Variants in ELOVL6 observed in about 807,000 individuals in gnomAD.
The protein encoded by ELOVL6 is very long chain fatty acid elongase 6.
A neutral mutation model predicts 31.7 loss-of-function variants in ELOVL6; 8 were observed. That is an observed-to-expected ratio of 0.25 (90% confidence interval 0.15 to 0.45). The LOEUF (loss-of-function observed/expected upper bound fraction) is 0.45, where lower values mean the gene tolerates loss of function less well. Among genes scored for constraint, ELOVL6 ranks in the 20% least tolerant of loss-of-function variants. The pLI, the probability that ELOVL6 is intolerant of heterozygous loss-of-function variation, is 1.00. For synonymous variants in ELOVL6, 101 were observed against 117.7 expected (o/e 0.86, Z 0.92); for missense variants, 126 against 326.4 (o/e 0.39, Z 4.73).
intron 1 of ELOVL6, among the ~76,000 whole-genome samples, chr4:110,152,494 T>A (rs1758304729): frequency 6.6e-6 from 1 of 152,240 alleles, no homozygotes; most frequent in Admixed American, 6.5e-5. Flanking sequence ...AATGAGAATT[T>A]ATTCCGTGAA....
intron 1 of ELOVL6, among the ~76,000 whole-genome samples, chr4:110,141,855 G>GTATATATA (rs57733252): frequency 0.027 from 3,446 of 126,512 alleles, 108 homozygotes; most frequent in Admixed American, 0.091. Flanking sequence ...AATACAATTA[G>GTATATATA]TATATATATA....
chr4:110,180,832 G>A (rs1352499882), intron 1 of ELOVL6, among the ~76,000 whole-genome samples: 1 of 152,140 alleles, frequency 6.6e-6, no homozygotes, highest in Non-Finnish European at 1.5e-5. Context: ...TGTTTATAGA[G>A]ATTTTTAAAA....
chr4:110,118,769 T>C (rs1335906050), intron 1 of ELOVL6, among the ~76,000 whole-genome samples: 1 of 152,166 alleles, frequency 6.6e-6, no homozygotes, highest in Non-Finnish European at 1.5e-5. Flanking sequence ...ACATACACTT[T>C]AAAAAATTGA....
chr4:110,128,713 G>C (rs1331023182), intron 1 of ELOVL6, among the ~76,000 whole-genome samples: 1 of 152,194 alleles, frequency 6.6e-6, no homozygotes, highest in African/African-American at 2.4e-5. Flanking sequence ...GCAACAGCAA[G>C]ATCTAACATT....
chr4:110,073,745 G>A (rs575407680), intron 2 of ELOVL6, among the ~76,000 whole-genome samples: 10 of 152,180 alleles, frequency 6.6e-5, no homozygotes, highest in Non-Finnish European at 1.0e-4. Context: ...TGGAGCCCTT[G>A]ATGCTTTAGG....
At chr4:110,086,836 T>C (rs1430055954) in intron 2 of ELOVL6, among the ~76,000 whole-genome samples, 1 of 152,196 alleles carries the variant, frequency 6.6e-6, no homozygotes, top group Non-Finnish European at 1.5e-5. Context: ...TACCTCCCTA[T>C]GCGACATTTA....
chr4:110,054,073 G>A (rs1270334072), intron 3 of ELOVL6, among the ~76,000 whole-genome samples: 2 of 152,142 alleles, frequency 1.3e-5, no homozygotes, highest in African/African-American at 2.4e-5. Flanking sequence ...TGCACTCTAG[G>A]CCTGGGCAAC....
In ELOVL6 at chr4:110,115,117, T is replaced by C. The variant is rs1309714390; in HGVS notation, c.90-9489A>G. 3.3e-5 allele frequency among the ~76,000 whole-genome samples: 5 copies of C among 152,160 alleles called. No individual in the cohort carries two copies. In the South Asian group the frequency reaches 6.2e-4, roughly 19 times the overall value. On this transcript the variant is annotated intron_variant, in intron 1 of 3. Coordinates refer to ENST00000302274, the MANE Select transcript of ELOVL6 (RefSeq NM_024090.3). ...ACATGGCATGTTTTCACGTTAACTATTGGATAAATAAATATACTCCTGTCA... is the reference window on the plus strand; with the variant it reads ...ACATGGCATGTTTTCACGTTAACTACTGGATAAATAAATATACTCCTGTCA...
chr4:110,170,301 G>A (rs564699068), intron 1 of ELOVL6, among the ~76,000 whole-genome samples: 1 of 152,086 alleles, frequency 6.6e-6, no homozygotes, highest in South Asian at 2.1e-4. Context: ...TTTGAATTAT[G>A]CAAAAAACAA....
At chr4:110,169,238 G>GTTTTTTTTTTT (rs140593620) in intron 1 of ELOVL6, among the ~76,000 whole-genome samples, 2 of 136,732 alleles carry the variant, frequency 1.5e-5, no homozygotes, top group Admixed American at 7.4e-5. Flanking sequence ...GGGGTTTTTT[G>GTTTTTTTTTTT]TTTTGTTTTT....
chr4:110,111,967 G>A (rs1462590416), intron 1 of ELOVL6, among the ~76,000 whole-genome samples: 1 of 152,226 alleles, frequency 6.6e-6, no homozygotes, highest in Non-Finnish European at 1.5e-5. Context: ...TAAAGTACAG[G>A]ACTGAAATGT....
intron 1 of ELOVL6, among the ~76,000 whole-genome samples, chr4:110,126,313 T>A (rs530543421): frequency 6.6e-6 from 1 of 152,320 alleles, no homozygotes; most frequent in Non-Finnish European, 1.5e-5. Context: ...CCCAAAGTGC[T>A]GAGATTACAG....
chr4:110,136,027 T>C (rs1385835179), intron 1 of ELOVL6, among the ~76,000 whole-genome samples: 1 of 152,204 alleles, frequency 6.6e-6, no homozygotes. Context: ...TCTGGGCTAA[T>C]ATTGAAGGTA....
chr4:110,176,270 C>G (rs916551655), intron 1 of ELOVL6, among the ~76,000 whole-genome samples: 5 of 152,192 alleles, frequency 3.3e-5, no homozygotes, highest in African/African-American at 9.6e-5. Flanking sequence ...TCAAGTGATT[C>G]TCCTGCCTCA....
chr4:110,084,174 T>TAC (rs1756062376), intron 2 of ELOVL6, among the ~76,000 whole-genome samples: 1 of 107,996 alleles, frequency 9.3e-6, no homozygotes, highest in African/African-American at 3.4e-5. Flanking sequence ...GTGATATATA[T>TAC]GATATATATA....
intron 1 of ELOVL6, among the ~76,000 whole-genome samples, chr4:110,189,074 T>A (rs1279615236): frequency 6.6e-6 from 1 of 151,566 alleles, no homozygotes; most frequent in Non-Finnish European, 1.5e-5. Context: ...GGCCAACAGT[T>A]CAAAACCAGC....
intron 1 of ELOVL6, among the ~76,000 whole-genome samples, chr4:110,156,907 A>C (rs1758443681): frequency 1.3e-5 from 2 of 152,236 alleles, no homozygotes; most frequent in Non-Finnish European, 2.9e-5. Flanking sequence ...GAAATCTTTC[A>C]TATGGTAACC....
At chr4:110,130,948 T>C (rs1327791555) in intron 1 of ELOVL6, among the ~76,000 whole-genome samples, 1 of 152,218 alleles carries the variant, frequency 6.6e-6, no homozygotes, top group Admixed American at 6.5e-5. Context: ...GTTTAACACA[T>C]ATAAAGATCA....
In ELOVL6 at chr4:110,078,080, G is replaced by A. The variant is rs559247297; in HGVS notation, c.222-18326C>T. Among the ~76,000 whole-genome samples the A allele has an allele frequency of 6.3e-4, 96 of 152,294 alleles. 1 individual carries two copies. In the South Asian group the frequency reaches 1.0e-2, roughly 16 times the overall value. On this transcript the variant is annotated intron_variant, in intron 2 of 3. Transcript: ENST00000302274. The stretch of plus-strand genomic sequence containing the variant: ...AATGAACAAAGCCTCCAAGAAATAC[G>A]GGACTATGTGAAAAGACCAAATCTA...
Sources: gnomAD v4.1 joint callset for allele counts (sites outside exome capture counted in the v4.1 genomes callset) on GRCh38, gnomAD v4.1.1 for gene constraint, MANE v1.5 for transcripts, NCBI Gene and HGNC (gene_info 2026-07-23, HGNC 2026-07-21) for gene names.